Variants in GMIP observed in about 807,000 individuals in gnomAD.
GMIP encodes GEM interacting protein, also known as GEM-interacting protein.
A neutral mutation model predicts 105.3 loss-of-function variants in GMIP; 54 were observed. The observed-to-expected ratio is 0.51, with a 90% CI of 0.41 to 0.64. The LOEUF is 0.64. GMIP is among the 30% of genes least tolerant of loss of function. The pLI is 0.00. For missense variants in GMIP, 1,110 were observed against 1,319.4 expected (o/e 0.84, Z 2.46); for synonymous variants, 541 against 560.8 (o/e 0.96, Z 0.50).
In GMIP at chr19:19,630,224, C is replaced by G; in HGVS notation, c.2652G>C (p.Leu884=). ...TGGAAGCCACCAGGGCCAGACTGGA[C>G]AGCTGGTGGGTTACAGGCCTCACAC... ...RGGVRPVTHQ[L]SSLALVASKL... is the part of the protein sequence containing the mutation. Residue 884 remains leucine, a synonymous_variant, in exon 21 of 21, where the codon CTG becomes CTC. Transcript: ENST00000203556. The surrounding 1 kb of genome is among the most constrained non-coding windows in gnomAD (Gnocchi z 4.8). 1 of 1,594,468 alleles carries G rather than the reference C, an allele frequency of 6.3e-7. No homozygotes were observed. The highest frequency in any genetic ancestry group is 1.3e-5 in the African/African-American group (1 of 74,612).
Position 19,634,353 on chromosome 19 carries a change from C to T in GMIP, c.2084+154G>A, listed in dbSNP as rs936835378. Among the ~76,000 whole-genome samples, 1 of 152,134 alleles carries T rather than the reference C, an allele frequency of 6.6e-6. No homozygotes were observed. Among genetic ancestry groups the T allele is most frequent in the Non-Finnish European group, 1.5e-5 (1 of 68,018 alleles). On this transcript the variant is annotated intron_variant, in intron 18 of 20. Transcript: ENST00000203556. This position sits in a 1 kb window ranked among gnomAD's most constrained non-coding sequence, Gnocchi z 6.1. ...ATATCCAGAACTGGAGGTCAGGGGT[C>T]AGTACCCAAAGTTATGAATCATGGA...
chr19:19,630,068 A>G lies in GMIP; in HGVS notation c.2808T>C (p.Ile936=). Residue 936 remains isoleucine, a synonymous_variant, in exon 21 of 21, where the codon ATT becomes ATC. Coordinates refer to ENST00000203556, the MANE Select transcript of GMIP (RefSeq NM_016573.4). This position sits in a 1 kb window ranked among gnomAD's most constrained non-coding sequence, Gnocchi z 4.8. ...AGAGTAGCCGGGCTGTCTCCTGGGT[A>G]ATCTCAAAATGCTTGGGCAGCGGGG... is the stretch of plus-strand genomic sequence containing the variant. The part of the protein sequence containing the change: ...RRTPLPKHFE[I]TQETARLLSK... 1 of 1,610,600 alleles carries G rather than the reference A, an allele frequency of 6.2e-7. No homozygotes were observed. Among genetic ancestry groups the G allele is most frequent in the Non-Finnish European group, 8.5e-7 (1 of 1,178,704 alleles).
In GMIP at chr19:19,630,310, G is replaced by A; in HGVS notation, c.2566C>T (p.Leu856Phe). The A allele has an allele frequency of 6.5e-7, 1 of 1,543,630 alleles. No homozygotes were observed. The highest frequency in any genetic ancestry group is 8.7e-7 in the Non-Finnish European group (1 of 1,143,750). ...EVSSQGPEDS[L>F]LGTQSRGHFS... ...TGGCCACGAGACTGTGTCCCCAGGA[G>A]TGAGTCCTCTGGGCCTTGGCTGGAC... is the stretch of plus-strand genomic sequence containing the variant. The change falls in exon 21 of 21, where the codon CTC becomes TTC. Residue 856 changes from leucine to phenylalanine, a missense_variant. By Grantham distance (22) the Leu-to-Phe change is conservative. This residue lies in a region of GMIP where 394 missense variants were observed against 450.5 expected (regional missense o/e 0.87). Coordinates refer to ENST00000203556, the MANE Select transcript of GMIP (RefSeq NM_016573.4). This position sits in a 1 kb window ranked among gnomAD's most constrained non-coding sequence, Gnocchi z 4.8.
chr19:19,642,416 G>T, intron 2 of GMIP, 119 bp downstream of exon 2: 1 of 696,636 alleles, frequency 1.4e-6, no homozygotes, highest in Non-Finnish European at 2.6e-6. Context: ...AGACTTCTCT[G>T]GTTATTAGGT....
rs768485803 is a variant in GMIP, at chr19:19,634,816, A to G, written c.1863T>C (p.Ser621=). The G allele has an allele frequency of 8.1e-6, 13 of 1,613,588 alleles. No individual in the cohort carries two copies. The highest frequency in any genetic ancestry group is 3.3e-5 in the Admixed American group (2 of 60,000). The change falls in exon 17 of 21, where the codon AGT becomes AGC. Residue 621 remains serine, a synonymous_variant. Coordinates refer to ENST00000203556, the MANE Select transcript of GMIP (RefSeq NM_016573.4). This position sits in a 1 kb window ranked among gnomAD's most constrained non-coding sequence, Gnocchi z 6.1. ...CCTCCTGAAGAAATCGCTTGAGGAC[A>G]CTCGAGACGTCATGAGGCGAGTTCC... The part of the protein sequence containing the change: ...LSGNSPHDVS[S]VLKRFLQELT...
Position 19,640,544 on chromosome 19 carries a change from C to T in GMIP, c.266G>A (p.Arg89Gln), listed in dbSNP as rs772587809. Residue 89 changes from arginine (R) to glutamine (Q), a missense_variant, in exon 5 of 21, where the codon CGG becomes CAG. By Grantham distance (43) the Arg-to-Gln change is conservative. This residue lies in a region of GMIP where 667 missense variants were observed against 773.2 expected (regional missense o/e 0.86). Coordinates refer to ENST00000203556, the MANE Select transcript of GMIP (RefSeq NM_016573.4). ...GGCTGCGTCCACACCCCCCTTTGTC[C>T]GAATGAGCCGCAAGTCCAGTTCCTC... ...TGEELDLRLI[R>Q]TKGGVDAALE... is the part of the protein sequence containing the mutation. The T allele has an allele frequency of 6.8e-6, 11 of 1,613,906 alleles. No individual in the cohort carries two copies. Among genetic ancestry groups the T allele is most frequent in the East Asian group, 4.5e-5 (2 of 44,844 alleles).
chr19:19,638,147 C>T lies in GMIP; in HGVS notation c.789+12G>A, dbSNP rs2061876903. 1 of 1,576,244 alleles carries T rather than the reference C, an allele frequency of 6.3e-7. No homozygotes were observed. The highest frequency in any genetic ancestry group is 8.5e-7 in the Non-Finnish European group (1 of 1,169,788). ...GCCACAGCGCTACAGGGGCTCGGGG[C>T]CGGGTGCCCACCTTGGCCTGGGCCT... On this transcript the variant is annotated intron_variant, in intron 9 of 20. Transcript: ENST00000203556.
Position 19,641,873 on chromosome 19 carries a change from C to A in GMIP, c.181-6G>T, listed in dbSNP as rs372939320. 1.9e-6 allele frequency: 3 copies of A among 1,612,972 alleles called. No homozygotes were observed. The highest frequency in any genetic ancestry group is 1.7e-6 in the Non-Finnish European group (2 of 1,179,474). ...CAACAGCTGGCTTCGTTGGTCTGTG[C>A]GGGAGGGAGACAGTATTCAGAAGCA... is the stretch of plus-strand genomic sequence containing the variant. On this transcript the variant is annotated splice_region_variant and splice_polypyrimidine_tract_variant and intron_variant, in intron 3 of 20. Coordinates refer to ENST00000203556, the MANE Select transcript of GMIP (RefSeq NM_016573.4).
chr19:19,642,965 G>A (rs2061939114), intron 1 of GMIP: 2 of 222,812 alleles, frequency 9.0e-6, no homozygotes, highest in African/African-American at 2.3e-5. Flanking sequence ...ATACACAAGG[G>A]ACAGCCAGGC....
rs1268012285 is a variant in GMIP at position 19,630,042 on chromosome 19, G to A, written c.2834C>T (p.Ser945Leu). 3.7e-6 allele frequency: 6 copies of A among 1,608,980 alleles called. No individual in the cohort carries two copies. The highest frequency in any genetic ancestry group is 3.4e-6 in the Non-Finnish European group (4 of 1,177,970). The change falls in exon 21 of 21, where the codon TCG becomes TTG. Residue 945 changes from serine (S) to leucine (L), a missense_variant. Physicochemically the swap from Ser to Leu is moderately radical, Grantham distance 145. Coordinates refer to ENST00000203556, the MANE Select transcript of GMIP (RefSeq NM_016573.4). The surrounding 1 kb of genome is among the most constrained non-coding windows in gnomAD (Gnocchi z 4.8). ...EITQETARLL[S>L]KLDSEAVPRA... ...GGGCACAGCCTCGCTGTCCAATTTC[G>A]AGAGTAGCCGGGCTGTCTCCTGGGT...
At chr19:19,639,038 C>A (rs2061889420) in intron 7 of GMIP, among the ~76,000 whole-genome samples, 1 of 151,658 alleles carries the variant, frequency 6.6e-6, no homozygotes, top group African/African-American at 2.4e-5. Context: ...TGAGATCATG[C>A]CACTGCACTC....
At position 19,641,826 on chromosome 19, in the gene GMIP, AC is replaced by A. The variant is rs1390820209; in HGVS notation, c.221del (p.Gly74ValfsTer57). The A allele has an allele frequency of 6.2e-7, 1 of 1,611,534 alleles. No individual in the cohort carries two copies. The highest frequency in any genetic ancestry group is 8.5e-7 in the Non-Finnish European group (1 of 1,179,262). ...ASCWSGPSPEGPVPLTGEELD... is the reference protein window; with the variant it reads ...ASCWSGPSPEXPVPLTGEELD... The stretch of plus-strand genomic sequence containing the variant: ...CCCCCCTACCTGTGAGGGGTACAGG[AC>A]CCTCTGGGGAGGGGCCGCTCCAACA... On this transcript the variant is annotated frameshift_variant, in exon 4 of 21. Coordinates refer to ENST00000203556, the MANE Select transcript of GMIP (RefSeq NM_016573.4). LOFTEE classifies it high-confidence loss of function.
Position 19,630,676 on chromosome 19 carries a change from A to G in GMIP, c.2473-139T>C, listed in dbSNP as rs903116734. 1 of 709,286 alleles carries G rather than the reference A, an allele frequency of 1.4e-6. No homozygotes were observed. Among genetic ancestry groups the G allele is most frequent in the African/African-American group, 1.8e-5 (1 of 56,468 alleles). The allele number at this position is 709,286 out of a possible 1,614,324, so 43.9% of individuals were successfully genotyped here. ...GCCCTGAGGTAGGAGCATGCCTGGT[A>G]TGTTAGGACGCAGCCCCACCCTGTA... On this transcript the variant is annotated intron_variant, in intron 19 of 20. Transcript: ENST00000203556. This position sits in a 1 kb window ranked among gnomAD's most constrained non-coding sequence, Gnocchi z 4.8.
rs1354863629 is a variant in GMIP at position 19,638,308 on chromosome 19, G to A, written c.640C>T (p.Arg214Trp). The change falls in exon 9 of 21, where the codon CGG becomes TGG. Residue 214 changes from arginine (R) to tryptophan (W), a missense_variant. Coordinates refer to ENST00000203556, the MANE Select transcript of GMIP (RefSeq NM_016573.4). ...TGCACATACTGCAGCTGGGCGCGCCGCAGTGCCTGCACCGCCTCATTCTGG... is the reference window on the plus strand; with the variant it reads ...TGCACATACTGCAGCTGGGCGCGCCACAGTGCCTGCACCGCCTCATTCTGG... ...KRMNEAVQAL[R>W]RAQLQYVQRS... The A allele has an allele frequency of 3.1e-6, 5 of 1,613,186 alleles. No homozygotes were observed. The highest frequency in any genetic ancestry group is 1.6e-4 in the Middle Eastern group (1 of 6,062).
In GMIP at chr19:19,635,511, G is replaced by A. The variant is rs759814406; in HGVS notation, c.1464C>T (p.Ser488=). The change falls in exon 15 of 21, where the codon TCC becomes TCT. Residue 488 remains serine, a synonymous_variant. Coordinates refer to ENST00000203556, the MANE Select transcript of GMIP (RefSeq NM_016573.4). This position sits in a 1 kb window ranked among gnomAD's most constrained non-coding sequence, Gnocchi z 4.7. The part of the protein sequence containing the change: ...LGSPFGKWTL[S]SAAQTHQLRR... ...GCAGCTGGTGGGTCTGAGCCGCGCT[G>A]GACAGTGTCCACTTCCCGAAGGGGC... 1.2e-6 allele frequency: 2 copies of A among 1,612,984 alleles called. No homozygotes were observed. Among genetic ancestry groups the A allele is most frequent in the Non-Finnish European group, 1.7e-6 (2 of 1,180,018 alleles).
chr19:19,640,283 T>C lies in GMIP; in HGVS notation c.429+13A>G. On this transcript the variant is annotated intron_variant, in intron 6 of 20. Coordinates refer to ENST00000203556, the MANE Select transcript of GMIP (RefSeq NM_016573.4). ...GGGGCTTGGGCTCTCCGGGGGGGTC[T>C]GGTCATGACTACCTGCTGTTGAATG... The C allele has an allele frequency of 6.2e-7, 1 of 1,612,182 alleles. No homozygotes were observed. Among genetic ancestry groups the C allele is most frequent in the Non-Finnish European group, 8.5e-7 (1 of 1,178,532 alleles).
At position 19,635,771 on chromosome 19, in the gene GMIP, T is replaced by C. The variant is rs752501491; in HGVS notation, c.1328-50A>G. On this transcript the variant is annotated intron_variant, in intron 13 of 20. Transcript: ENST00000203556. This position sits in a 1 kb window ranked among gnomAD's most constrained non-coding sequence, Gnocchi z 4.7. ...ATTCCTGGGCTATGGGAGGCACTCC[T>C]GGTTTTTAGGGCTTCCAGAACCACC... is the stretch of plus-strand genomic sequence containing the variant. The C allele has an allele frequency of 2.0e-6, 3 of 1,497,718 alleles. No individual in the cohort carries two copies. Among genetic ancestry groups the C allele is most frequent in the Non-Finnish European group, 2.8e-6 (3 of 1,075,066 alleles). The allele number at this position is 1,497,718 out of a possible 1,614,324, so 92.8% of individuals were successfully genotyped here.
intron 4 of GMIP, among the ~76,000 whole-genome samples, chr19:19,640,920 C>G (rs892247093): frequency 3.4e-5 from 5 of 149,116 alleles, no homozygotes; most frequent in Non-Finnish European, 5.9e-5. Context: ...CATGCGCCAC[C>G]ATGCCCGGCT....
intron 19 of GMIP, among the ~76,000 whole-genome samples, chr19:19,631,939 G>C (rs2061799755): frequency 6.7e-6 from 1 of 148,286 alleles, no homozygotes; most frequent in African/African-American, 2.5e-5. Context: ...AGTGAGCCAA[G>C]ATGGCACCAC....
Sources: gnomAD v4.1 joint callset for allele counts (sites outside exome capture counted in the v4.1 genomes callset) on GRCh38, gnomAD v4.1.1 for gene constraint, gnomAD v4.1.1 regional missense constraint, Gnocchi (gnomAD v3.1) non-coding constraint, MANE v1.5 for transcripts, NCBI Gene and HGNC (gene_info 2026-07-23, HGNC 2026-07-21) for gene names.